The following ITGA9 variants were observed in gnomAD, a reference collection of about 807,000 sequenced individuals.
The protein encoded by ITGA9 is integrin alpha-9.
A neutral mutation model predicts 127.8 loss-of-function variants in ITGA9; 56 were observed. The observed-to-expected ratio is 0.44, with a 90% CI of 0.35 to 0.55. ITGA9 has a LOEUF of 0.55. Among genes scored for constraint, ITGA9 ranks in the 20% least tolerant of loss-of-function variants. The pLI is 0.00. For missense variants in ITGA9, 1,196 were observed against 1,347.1 expected (o/e 0.89, Z 1.76); for synonymous variants, 508 against 514.5 (o/e 0.99, Z 0.17).
intron 13 of ITGA9, among the ~76,000 whole-genome samples, chr3:37,527,974 G>T (rs1404211600): frequency 6.6e-6 from 1 of 152,018 alleles, no homozygotes; most frequent in African/African-American, 2.4e-5. Context: ...TTTTAGTAGA[G>T]ACAGGTTTCA....
chr3:37,708,935 G>A (rs1701045657), intron 18 of ITGA9, among the ~76,000 whole-genome samples: 1 of 152,166 alleles, frequency 6.6e-6, no homozygotes, highest in Admixed American at 6.5e-5. Flanking sequence ...TTAAGAGTAG[G>A]GTTTTGTCAC....
At chr3:37,809,066 C>T (rs1481548649) in intron 27 of ITGA9, among the ~76,000 whole-genome samples, 3 of 150,662 alleles carry the variant, frequency 2.0e-5, no homozygotes, top group Non-Finnish European at 2.9e-5. Flanking sequence ...ACATGATGTT[C>T]GAAATATGGG....
At chr3:37,544,003 C>G (rs1699301775) in intron 15 of ITGA9, among the ~76,000 whole-genome samples, 1 of 152,244 alleles carries the variant, frequency 6.6e-6, no homozygotes, top group South Asian at 2.1e-4. Flanking sequence ...TGAGGCTGCG[C>G]AGTACAGGCT....
chr3:37,595,354 G>A (rs2125617481), intron 15 of ITGA9, among the ~76,000 whole-genome samples: 1 of 152,326 alleles, frequency 6.6e-6, no homozygotes, highest in South Asian at 2.1e-4. Flanking sequence ...GCCACACAAG[G>A]AAGAAGTGCA....
chr3:37,501,521 T>C (rs1698786921), intron 5 of ITGA9, among the ~76,000 whole-genome samples: 1 of 152,206 alleles, frequency 6.6e-6, no homozygotes, highest in African/African-American at 2.4e-5. Flanking sequence ...GTCGTCTCTG[T>C]CTGAATGAAG....
intron 26 of ITGA9, among the ~76,000 whole-genome samples, chr3:37,795,438 A>T (rs1697160097): frequency 2.0e-5 from 3 of 152,222 alleles, no homozygotes; most frequent in Admixed American, 2.0e-4. Flanking sequence ...CCACTGCCTC[A>T]GACTGGAAGC....
chr3:37,481,512 A>G lies in ITGA9; in HGVS notation c.449A>G (p.Tyr150Cys), dbSNP rs1698554793. 5 of 1,614,148 alleles carry G rather than the reference A, an allele frequency of 3.1e-6. No homozygotes were observed. Among genetic ancestry groups the G allele is most frequent in the South Asian group, 1.1e-5 (1 of 91,078 alleles). ...LACAHRWKNI[Y>C]YEADHILPHG... The stretch of plus-strand genomic sequence containing the variant: ...TGTGCTCATCGCTGGAAGAACATCT[A>G]CTATGAAGCCGACCACATCCTACCC... The change falls in exon 4 of 28, where the codon TAC becomes TGC. Residue 150 changes from tyrosine to cysteine, a missense_variant. By Grantham distance (194) the Tyr-to-Cys change is radical. Coordinates refer to ENST00000264741, the MANE Select transcript of ITGA9 (RefSeq NM_002207.3).
At position 37,528,858 on chromosome 3, in the gene ITGA9, C is replaced by A. The variant is rs147219653; in HGVS notation, c.1373+2787C>A. Reference sequence around the variant, plus strand: ...CATACGCTGTGTGACTACCACCCCACCACAATAAAGAATACTTCTGTCACC... The same window carrying A: ...CATACGCTGTGTGACTACCACCCCAACACAATAAAGAATACTTCTGTCACC... On this transcript the variant is annotated intron_variant, in intron 13 of 27. Transcript: ENST00000264741. 8.5e-4 allele frequency among the ~76,000 whole-genome samples: 129 copies of A among 152,344 alleles called. 1 individual carries two copies. The East Asian group carries it at 0.024, about 28-fold the overall frequency.
At position 37,629,869 on chromosome 3, in the gene ITGA9, G is replaced by C. The variant is rs377052840; in HGVS notation, c.1839+533G>C. ...CTGTGTAGAGAAGCTTTAGTGCGAT[G>C]GGTGTATCACTCGTATGAAGTAGGA... On this transcript the variant is annotated intron_variant, in intron 16 of 27. Transcript: ENST00000264741. The surrounding 1 kb of genome is among the most constrained non-coding windows in gnomAD (Gnocchi z 4.5). 2.7e-4 allele frequency among the ~76,000 whole-genome samples: 41 copies of C among 152,288 alleles called. No homozygotes were observed. In the East Asian group the frequency reaches 6.6e-3, roughly 24 times the overall value.
At chr3:37,516,892 CT>C (rs1298721743) in intron 9 of ITGA9, among the ~76,000 whole-genome samples, 13 of 152,242 alleles carry the variant, frequency 8.5e-5, no homozygotes, top group African/African-American at 1.2e-4. Flanking sequence ...CATTAACCCC[CT>C]CCCTCTGTTG....
At position 37,455,999 on chromosome 3, in the gene ITGA9, G is replaced by A. The variant is rs528716775; in HGVS notation, c.185+3440G>A. ...TTGTAGACCAAAATTGTCACTAATC[G>A]GAGGATCCTAGATCCCTGTGTAAGT... On this transcript the variant is annotated intron_variant, in intron 1 of 27. Coordinates refer to ENST00000264741, the MANE Select transcript of ITGA9 (RefSeq NM_002207.3). Among the ~76,000 whole-genome samples, 5 of 152,210 alleles carry A rather than the reference G, an allele frequency of 3.3e-5. No homozygotes were observed. In the South Asian group the frequency reaches 6.2e-4, roughly 19 times the overall value.
intron 27 of ITGA9, among the ~76,000 whole-genome samples, chr3:37,813,511 TAG>T (rs778304898): frequency 1.3e-5 from 2 of 152,252 alleles, no homozygotes; most frequent in Non-Finnish European, 2.9e-5. Context: ...GACATTCTAT[TAG>T]AAAATGTTAG....
intron 17 of ITGA9, among the ~76,000 whole-genome samples, chr3:37,660,066 TTAGGGCAATAGTGG>T (rs1253357900): frequency 4.6e-5 from 7 of 152,092 alleles, no homozygotes; most frequent in African/African-American, 1.7e-4. Flanking sequence ...TTACTTTTAC[TTAGGGCAATAGTGG>T]TAGATTAAAA....
At chr3:37,487,133 A>G (rs1331579667) in intron 4 of ITGA9, among the ~76,000 whole-genome samples, 1 of 152,248 alleles carries the variant, frequency 6.6e-6, no homozygotes, top group Non-Finnish European at 1.5e-5. Flanking sequence ...AAGTTGATCC[A>G]TTTAAAAATT....
chr3:37,775,634 C>T (rs1438261081), intron 23 of ITGA9, among the ~76,000 whole-genome samples: 13 of 131,886 alleles, frequency 9.9e-5, no homozygotes, highest in South Asian at 3.0e-4. Flanking sequence ...CAACAGTGAG[C>T]GACTCCATCT....
At chr3:37,665,438 G>T (rs1002060781) in intron 17 of ITGA9, among the ~76,000 whole-genome samples, 1 of 152,056 alleles carries the variant, frequency 6.6e-6, no homozygotes, top group African/African-American at 2.4e-5. Context: ...AGTGTTTGCC[G>T]TTTCTCTGAT....
At chr3:37,771,612 A>G (rs886873834) in intron 23 of ITGA9, among the ~76,000 whole-genome samples, 1 of 152,168 alleles carries the variant, frequency 6.6e-6, no homozygotes, top group South Asian at 2.1e-4. Flanking sequence ...GACCTTGGAC[A>G]AGTCGCTGAA....
intron 6 of ITGA9, among the ~76,000 whole-genome samples, chr3:37,505,360 G>A (rs1169810860): frequency 1.3e-5 from 2 of 152,078 alleles, no homozygotes; most frequent in East Asian, 3.9e-4. Flanking sequence ...ACCCCAGCCT[G>A]GAAACAACCT....
intron 26 of ITGA9, among the ~76,000 whole-genome samples, chr3:37,794,297 G>A (rs1423253096): frequency 6.6e-6 from 1 of 152,216 alleles, no homozygotes; most frequent in Non-Finnish European, 1.5e-5. Flanking sequence ...CTGTTGGCGA[G>A]CCCTGAGTCT....
Sources: gnomAD v4.1 joint callset for allele counts (sites outside exome capture counted in the v4.1 genomes callset) on GRCh38, gnomAD v4.1.1 for gene constraint, Gnocchi (gnomAD v3.1) non-coding constraint, MANE v1.5 for transcripts, NCBI Gene and HGNC (gene_info 2026-07-23, HGNC 2026-07-21) for gene names.